Variants in CYP2C19 observed in about 807,000 individuals in gnomAD.
The protein encoded by CYP2C19 is cytochrome P450 family 2 subfamily C member 19, also known as cytochrome P450 2C19.
A neutral mutation model predicts 40.9 loss-of-function variants in CYP2C19; 59 were observed. The observed-to-expected ratio is 1.44, with a 90% CI of 1.17 to 1.79. The LOEUF (loss-of-function observed/expected upper bound fraction) is 1.79. Ranked by LOEUF, CYP2C19 falls within the 40% of genes most tolerant of loss-of-function variation. The pLI, the probability that CYP2C19 is intolerant of heterozygous loss-of-function variation, is 0.00. For missense variants in CYP2C19, 754 were observed against 596.9 expected (o/e 1.26, Z -2.74); for synonymous variants, 253 against 208.7 (o/e 1.21, Z -1.83).
chr10:94,766,703 G>A (rs1446449553), intron 1 of CYP2C19, among the ~76,000 whole-genome samples: 1 of 152,050 alleles, frequency 6.6e-6, no homozygotes, highest in Admixed American at 6.5e-5. Flanking sequence ...AATAAGAGAT[G>A]CAAGTCCTCC....
At position 94,818,094 on chromosome 10, in the gene CYP2C19, A is replaced by T. The variant is rs1849040854; in HGVS notation, c.820-2402A>T. Among the ~76,000 whole-genome samples, 5 of 149,234 alleles carry T rather than the reference A, an allele frequency of 3.4e-5. No homozygotes were observed. The South Asian group carries it at 1.1e-3, about 32-fold the overall frequency. ...AGGTGTAAGGAAGGGATCCAGTTTC[A>T]GCTTTCTACATATGGCTAGCCAGTT... On this transcript the variant is annotated intron_variant, in intron 5 of 8. Transcript: ENST00000371321.
chr10:94,795,126 G>A lies in CYP2C19; in HGVS notation c.819+13129G>A, dbSNP rs576106223. ...CCCATTAACTCATCATTTACATTAG[G>A]TATATCTCCTAATGTTATCCCTCCC... On this transcript the variant is annotated intron_variant, in intron 5 of 8. Coordinates refer to ENST00000371321, the MANE Select transcript of CYP2C19 (RefSeq NM_000769.4). 5.3e-5 allele frequency among the ~76,000 whole-genome samples: 8 copies of A among 150,932 alleles called. No homozygotes were observed. In the East Asian group the frequency reaches 1.4e-3, roughly 26 times the overall value.
chr10:94,766,219 G>A (rs755274036), intron 1 of CYP2C19, among the ~76,000 whole-genome samples: 104 of 106,194 alleles, frequency 9.8e-4, no homozygotes, highest in Non-Finnish European at 1.7e-3. Flanking sequence ...ATTTGCCAGG[G>A]AAGGATTGGA....
chr10:94,842,353 A>G (rs1380731515), intron 6 of CYP2C19, among the ~76,000 whole-genome samples: 1 of 133,012 alleles, frequency 7.5e-6, no homozygotes, highest in Non-Finnish European at 1.6e-5. Flanking sequence ...GTCTCATTCC[A>G]TTCCTTTACT....
chr10:94,805,976 G>C (rs747193195), intron 5 of CYP2C19, among the ~76,000 whole-genome samples: 1 of 152,170 alleles, frequency 6.6e-6, no homozygotes, highest in Non-Finnish European at 1.5e-5. Context: ...CTTGCCCAAA[G>C]AGAAGTGTCC....
intron 5 of CYP2C19, among the ~76,000 whole-genome samples, chr10:94,804,143 A>G (rs1027138771): frequency 6.6e-6 from 1 of 152,054 alleles, no homozygotes; most frequent in Non-Finnish European, 1.5e-5. Flanking sequence ...GATGGAATGG[A>G]GAGGGCTCCA....
At chr10:94,769,737 A>G (rs1848300918) in intron 1 of CYP2C19, among the ~76,000 whole-genome samples, 1 of 152,100 alleles carries the variant, frequency 6.6e-6, no homozygotes, top group Non-Finnish European at 1.5e-5. Context: ...TTGATAAGGA[A>G]AAGTGGTGGG....
At position 94,774,573 on chromosome 10, in the gene CYP2C19, G is replaced by A. The variant is rs145010573; in HGVS notation, c.169-485G>A. The A allele has an allele frequency of 2.8e-3, 477 of 171,320 alleles. 3 individuals carry two copies. The highest frequency in any genetic ancestry group is 0.011 in the African/African-American group (451 of 41,676). 10.6% of individuals were successfully genotyped at this position (171,320 alleles called of 1,614,324 possible). ...ATAGAGAGGTGCTTTTACTATAAATGCTATGATGCATGCTAATCATAAAAG... is the reference window on the plus strand; with the variant it reads ...ATAGAGAGGTGCTTTTACTATAAATACTATGATGCATGCTAATCATAAAAG... On this transcript the variant is annotated intron_variant, in intron 1 of 8. Transcript: ENST00000371321.
chr10:94,824,178 C>A (rs193031529), intron 6 of CYP2C19, among the ~76,000 whole-genome samples: 2 of 152,150 alleles, frequency 1.3e-5, no homozygotes, highest in Non-Finnish European at 2.9e-5. Flanking sequence ...TTTATGTAGT[C>A]AGAATGATAT....
chr10:94,814,545 T>C (rs912852788), intron 5 of CYP2C19, among the ~76,000 whole-genome samples: 4 of 151,626 alleles, frequency 2.6e-5, no homozygotes, highest in Non-Finnish European at 5.9e-5. Flanking sequence ...TGATAGTATC[T>C]GTGTAGTTTC....
intron 6 of CYP2C19, among the ~76,000 whole-genome samples, chr10:94,827,018 G>A (rs1231119322): frequency 2.6e-5 from 4 of 152,110 alleles, no homozygotes; most frequent in East Asian, 1.9e-4. Flanking sequence ...AAGCCCACTC[G>A]ATCATGGTGG....
intron 6 of CYP2C19, among the ~76,000 whole-genome samples, chr10:94,827,756 A>G (rs540326589): frequency 6.6e-6 from 1 of 152,018 alleles, no homozygotes; most frequent in Non-Finnish European, 1.5e-5. Context: ...TTGTGATGTT[A>G]GGGTGTCTAT....
intron 5 of CYP2C19, among the ~76,000 whole-genome samples, chr10:94,789,251 G>GAA: frequency 6.6e-6 from 1 of 151,266 alleles, no homozygotes; most frequent in Non-Finnish European, 1.5e-5. Flanking sequence ...GTTGCCCTTT[G>GAA]TCAGATGGAT....
chr10:94,836,586 G>A lies in CYP2C19; in HGVS notation c.962-6251G>A, dbSNP rs937474613. On this transcript the variant is annotated intron_variant, in intron 6 of 8. Coordinates refer to ENST00000371321, the MANE Select transcript of CYP2C19 (RefSeq NM_000769.4). Reference sequence around the variant, plus strand: ...GGTCTGTCTATTTCACCATACCTGGGAATCCACATTCAGCAGAAACCTGTT... The same window carrying A: ...GGTCTGTCTATTTCACCATACCTGGAAATCCACATTCAGCAGAAACCTGTT... 7.0e-4 allele frequency among the ~76,000 whole-genome samples: 107 copies of A among 152,166 alleles called. 5 individuals carry two copies. Among genetic ancestry groups the A allele is most frequent in the Non-Finnish European group, 4.4e-5 (3 of 68,030 alleles).
intron 6 of CYP2C19, among the ~76,000 whole-genome samples, chr10:94,834,786 TG>T (rs1252975515): frequency 1.3e-5 from 2 of 152,186 alleles, no homozygotes; most frequent in Non-Finnish European, 2.9e-5. Flanking sequence ...ATTGGTCATG[TG>T]TGAGCTAAGT....
At chr10:94,842,603 T>C (rs1429902787) in intron 6 of CYP2C19, among the ~76,000 whole-genome samples, 3 of 152,136 alleles carry the variant, frequency 2.0e-5, no homozygotes, top group Non-Finnish European at 4.4e-5. Flanking sequence ...TTATTGATAA[T>C]AATTTTCTCT....
intron 1 of CYP2C19, among the ~76,000 whole-genome samples, chr10:94,764,620 T>C (rs998169409): frequency 6.6e-6 from 1 of 152,090 alleles, no homozygotes; most frequent in Non-Finnish European, 1.5e-5. Flanking sequence ...GAAGGGGTCC[T>C]GCAGTTGTAG....
intron 1 of CYP2C19, among the ~76,000 whole-genome samples, chr10:94,764,768 G>A (rs182971074): frequency 6.6e-6 from 1 of 152,112 alleles, no homozygotes; most frequent in African/African-American, 2.4e-5. Context: ...GTTGATCCTA[G>A]AGGAAACAAA....
At chr10:94,845,674 T>A (rs1014983226) in intron 7 of CYP2C19, among the ~76,000 whole-genome samples, 2 of 152,190 alleles carry the variant, frequency 1.3e-5, no homozygotes, top group African/African-American at 4.8e-5. Context: ...TGGTCGTGCT[T>A]CAATGTCTAT....
Sources: gnomAD v4.1 joint callset for allele counts (sites outside exome capture counted in the v4.1 genomes callset) on GRCh38, gnomAD v4.1.1 for gene constraint, MANE v1.5 for transcripts, NCBI Gene and HGNC (gene_info 2026-07-23, HGNC 2026-07-21) for gene names.